ATL3: variants seen among roughly 807,000 people sequenced by gnomAD.
ATL3 encodes atlastin GTPase 3, also known as atlastin-3.
ATL3 carries 49 observed loss-of-function variants against 69.5 expected under a neutral mutation model. The observed-to-expected ratio is 0.71, with a 90% CI of 0.56 to 0.89. The LOEUF is 0.89. Ranked by LOEUF, ATL3 falls within the 40% of genes least tolerant of loss-of-function variation. The pLI, the probability that ATL3 is intolerant of heterozygous loss-of-function variation, is 0.00. For synonymous variants in ATL3, 214 were observed against 224.1 expected (o/e 0.95, Z 0.40); for missense variants, 606 against 645.7 (o/e 0.94, Z 0.67).
At chr11:63,635,786 A>C (rs1379445822) in intron 9 of ATL3, among the ~76,000 whole-genome samples, 196 bp from the exon 10 acceptor site, 1 of 150,654 alleles carries the variant, frequency 6.6e-6, no homozygotes, top group Non-Finnish European at 1.5e-5. Context: ...CTCAAGCAGC[A>C]CAAGCCTACA....
rs748322025 is a variant in ATL3, at chr11:63,635,492, G to A, written c.1035+42C>T. 1.2e-5 allele frequency: 19 copies of A among 1,538,862 alleles called. No individual in the cohort carries two copies. The South Asian group carries it at 2.0e-4, about 17-fold the overall frequency. ...GCTTATTGTATACAGGTCAACTCAAGTAATTTAAGGGTAGCGTTTAGGATG... is the reference window on the plus strand; with the variant it reads ...GCTTATTGTATACAGGTCAACTCAAATAATTTAAGGGTAGCGTTTAGGATG... On this transcript the variant is annotated intron_variant, in intron 10 of 12. Transcript: ENST00000398868.
At position 63,624,555 on chromosome 11, in the gene ATL3, T is replaced by C. The variant is rs1322188056; in HGVS notation, c.*4764A>G. On this transcript the variant is annotated 3_prime_UTR_variant, in exon 13 of 13. Transcript: ENST00000398868. ...ATCTTGTCTTCTTTCTTGTTCATTATTTTTATTTGTGGCTTAATGTTTCAC... is the reference window on the plus strand; with the variant it reads ...ATCTTGTCTTCTTTCTTGTTCATTACTTTTATTTGTGGCTTAATGTTTCAC... 6.6e-6 allele frequency: 1 copy of C among 152,204 alleles called. No homozygotes were observed. Among genetic ancestry groups the C allele is most frequent in the African/African-American group, 2.4e-5 (1 of 41,442 alleles). 9.4% of individuals were successfully genotyped at this position (152,204 alleles called of 1,614,324 possible). A position where few individuals can be genotyped will look rare whatever the true frequency, so the allele number is the denominator to read the frequency against.
rs924301295 is a variant in ATL3 at position 63,627,500 on chromosome 11, G to A, written c.*1819C>T. The A allele has an allele frequency of 1.3e-5, 2 of 152,190 alleles. No individual in the cohort carries two copies. Among genetic ancestry groups the A allele is most frequent in the Non-Finnish European group, 2.9e-5 (2 of 68,030 alleles). 9.4% of individuals were successfully genotyped at this position (152,190 alleles called of 1,614,324 possible). ...AAATTCTTTGATAAAGAGATTACAT[G>A]CGAAAAGGGACTTTTTTTCTACCTT... On this transcript the variant is annotated 3_prime_UTR_variant, in exon 13 of 13. Transcript: ENST00000398868.
intron 6 of ATL3, among the ~76,000 whole-genome samples, chr11:63,644,715 T>C (rs1385706670): frequency 6.6e-6 from 1 of 152,160 alleles, no homozygotes; most frequent in African/African-American, 2.4e-5. Flanking sequence ...TGTAATGTCT[T>C]AGAAGTTTTA....
At chr11:63,665,241 A>T (rs1940539412) in intron 1 of ATL3, among the ~76,000 whole-genome samples, 1 of 151,090 alleles carries the variant, frequency 6.6e-6, no homozygotes, top group Non-Finnish European at 1.5e-5. Flanking sequence ...GCTACTCGGG[A>T]GGCTGAGGCA....
chr11:63,640,541 CA>C (rs544983094), intron 8 of ATL3, among the ~76,000 whole-genome samples: 81 of 147,992 alleles, frequency 5.5e-4, no homozygotes, highest in African/African-American at 2.0e-3. Context: ...CACATAAAGA[CA>C]CATTTGTGTT....
chr11:63,661,628 C>T (rs923078692), intron 1 of ATL3, among the ~76,000 whole-genome samples: 1 of 151,772 alleles, frequency 6.6e-6, no homozygotes, highest in African/African-American at 2.4e-5. Context: ...GCTGGCTCAC[C>T]TGCGCAATCC....
intron 1 of ATL3, among the ~76,000 whole-genome samples, chr11:63,661,018 AGCCTG>A (rs892537810): frequency 4.0e-5 from 6 of 151,768 alleles, no homozygotes; most frequent in African/African-American, 1.5e-4. Flanking sequence ...GTTCAAAACC[AGCCTG>A]GCCAACATGG....
At chr11:63,667,163 T>C (rs1309723006) in intron 1 of ATL3, among the ~76,000 whole-genome samples, 1 of 152,138 alleles carries the variant, frequency 6.6e-6, no homozygotes, top group Admixed American at 6.6e-5. Context: ...ACGTAGTGTA[T>C]ACAGGGCTCA....
In ATL3 at chr11:63,628,418, T is replaced by C. The variant is rs1313439314; in HGVS notation, c.*901A>G. The C allele has an allele frequency of 6.6e-6, 1 of 152,178 alleles. No homozygotes were observed. Among genetic ancestry groups the C allele is most frequent in the Admixed American group, 6.5e-5 (1 of 15,278 alleles). 9.4% of individuals were successfully genotyped at this position (152,178 alleles called of 1,614,324 possible). ...TATGGTATATTTAAATATGACATGA[T>C]TTTTCCACACTATGTGGCAACAGGA... is the stretch of plus-strand genomic sequence containing the variant. On this transcript the variant is annotated 3_prime_UTR_variant, in exon 13 of 13. Coordinates refer to ENST00000398868, the MANE Select transcript of ATL3 (RefSeq NM_015459.5).
intron 5 of ATL3, among the ~76,000 whole-genome samples, 162 bp from the exon 6 acceptor site, chr11:63,646,725 C>T (rs1939893233): frequency 6.6e-6 from 1 of 152,148 alleles, no homozygotes; most frequent in Non-Finnish European, 1.5e-5. Context: ...TTATTCCCTG[C>T]TCACATCCCA....
At position 63,631,053 on chromosome 11, in the gene ATL3, T is replaced by C. The variant is rs1028638609; in HGVS notation, c.1526A>G (p.Tyr509Cys). 1.9e-6 allele frequency: 3 copies of C among 1,611,560 alleles called. No individual in the cohort carries two copies. Among genetic ancestry groups the C allele is most frequent in the South Asian group, 2.2e-5 (2 of 90,712 alleles). ...AGCACCACTTACCTGCTCCAACACA[T>C]ATGCGGCACCAAAATCAATAGCTCC... ...LGGAIDFGAA[Y>C]VLEQASSHIG... Residue 509 changes from tyrosine to cysteine, a missense_variant, in exon 12 of 13, where the codon TAT becomes TGT. Transcript: ENST00000398868.
In ATL3 at chr11:63,649,308, G is replaced by C. The variant is rs117209612; in HGVS notation, c.561+2628C>G. Reference sequence around the variant, plus strand: ...GGCTCTGCATGAACATCAACACCCAGCTAATTTTTGTATTTTTAGTAGAGA... The same window carrying C: ...GGCTCTGCATGAACATCAACACCCACCTAATTTTTGTATTTTTAGTAGAGA... On this transcript the variant is annotated intron_variant, in intron 5 of 12. Transcript: ENST00000398868. 4.6e-3 allele frequency among the ~76,000 whole-genome samples: 706 copies of C among 152,178 alleles called. 34 individuals are homozygous for C. In the East Asian group the frequency reaches 0.12, roughly 26 times the overall value.
chr11:63,644,374 G>T, intron 6 of ATL3, 113 bp from the exon 7 acceptor site: 58 of 503,664 alleles, frequency 1.2e-4, no homozygotes, highest in Middle Eastern at 5.8e-4. Flanking sequence ...TAAAGTAGAA[G>T]GATTTACCTT....
At chr11:63,661,336 GTAA>G (rs1448006203) in intron 1 of ATL3, among the ~76,000 whole-genome samples, 5 of 152,076 alleles carry the variant, frequency 3.3e-5, no homozygotes, top group African/African-American at 1.2e-4. Flanking sequence ...CATATCACTA[GTAA>G]TAACTCAAAA....
At chr11:63,640,417 A>G (rs1288719190) in intron 8 of ATL3, among the ~76,000 whole-genome samples, 1 of 151,006 alleles carries the variant, frequency 6.6e-6, no homozygotes, top group Non-Finnish European at 1.5e-5. Context: ...CCTTCTGAGT[A>G]GCTGGGACCA....
chr11:63,657,208 C>CAAAAAAAAAAAAAAAAAAAAAAAAAAA (rs1254213240), intron 3 of ATL3, among the ~76,000 whole-genome samples: 1 of 59,914 alleles, frequency 1.7e-5, no homozygotes, highest in African/African-American at 6.4e-5. Flanking sequence ...GACTACATCT[C>CAAAAAAAAAAAAAAAAAAAAAAAAAAA]AAAAAAAAAA....
Position 63,627,321 on chromosome 11 carries a change from T to A in ATL3, c.*1998A>T, listed in dbSNP as rs1939145821. On this transcript the variant is annotated 3_prime_UTR_variant, in exon 13 of 13. Coordinates refer to ENST00000398868, the MANE Select transcript of ATL3 (RefSeq NM_015459.5). ...ACAGTCAAAGCTTGGTTGGCATCAC[T>A]GATAAATGCAAGTAAACAAGCTGGA... 6.6e-6 allele frequency: 1 copy of A among 152,174 alleles called. No individual in the cohort carries two copies. The highest frequency in any genetic ancestry group is 2.4e-5 in the African/African-American group (1 of 41,430). The allele number at this position is 152,174 out of a possible 1,614,324, so 9.4% of individuals were successfully genotyped here.
chr11:63,632,478 T>C (rs1166012209), intron 11 of ATL3: 2 of 857,128 alleles, frequency 2.3e-6, no homozygotes, highest in Non-Finnish European at 4.1e-6. Context: ...AAAGAGTAAC[T>C]GGTTTGGAAG....
Sources: allele counts gnomAD v4.1 joint callset (sites outside exome capture counted in the v4.1 genomes callset), GRCh38; gene constraint gnomAD v4.1.1; transcripts MANE v1.5; gene names NCBI Gene and HGNC (gene_info 2026-07-23, HGNC 2026-07-21).